POPDC1: variants seen among roughly 807,000 people sequenced by gnomAD.
POPDC1 encodes popeye domain cAMP effector 1.
chr6:105,124,385 CAAAAA>C, the POPDC1 span, among the ~76,000 whole-genome samples: 3 of 81,772 alleles, frequency 3.7e-5, no homozygotes, highest in Non-Finnish European at 5.0e-5. Context: ...CCGTCTCAAA[CAAAAA>C]AAAAAAAAAA....
At chr6:105,130,714 T>C in the POPDC1 span, among the ~76,000 whole-genome samples, 5 of 152,274 alleles carry the variant, frequency 3.3e-5, no homozygotes, top group Admixed American at 6.5e-5. Context: ...TGTTACTGTA[T>C]TGAATATTGA....
chr6:105,106,162 TATC>T, the POPDC1 span, among the ~76,000 whole-genome samples: 3 of 152,204 alleles, frequency 2.0e-5, no homozygotes, highest in Non-Finnish European at 4.4e-5. Context: ...ATATAAACAG[TATC>T]ATACTGAACT....
chr6:105,106,917 T>C, the POPDC1 span, among the ~76,000 whole-genome samples: 1 of 152,190 alleles, frequency 6.6e-6, no homozygotes, highest in Non-Finnish European at 1.5e-5. Flanking sequence ...AAATAGGCTA[T>C]CCATCACCTC....
chr6:105,126,757 C>G, the POPDC1 span, among the ~76,000 whole-genome samples: 35 of 152,196 alleles, frequency 2.3e-4, no homozygotes, highest in Admixed American at 6.5e-5. Context: ...CATGTAATTA[C>G]TTAATGCACC....
the POPDC1 span, among the ~76,000 whole-genome samples, chr6:105,122,530 C>A: frequency 6.6e-6 from 1 of 152,118 alleles, no homozygotes; most frequent in Non-Finnish European, 1.5e-5. Flanking sequence ...CTCTTGGGAA[C>A]CACTTGATTC....
the POPDC1 span, chr6:105,137,142 C>A: frequency 0.054 from 8,229 of 151,748 alleles, 249 homozygotes; most frequent in Middle Eastern, 0.14. Flanking sequence ...TCCCCAAGCC[C>A]GCAGCCGCTT....
the POPDC1 span, chr6:105,125,623 TC>T: frequency 1.3e-6 from 2 of 1,567,206 alleles, no homozygotes; most frequent in South Asian, 2.2e-5. Flanking sequence ...GCAGCAGCAA[TC>T]CCAAAACACT....
At chr6:105,135,896 G>C in the POPDC1 span, among the ~76,000 whole-genome samples, 1 of 152,090 alleles carries the variant, frequency 6.6e-6, no homozygotes, top group African/African-American at 2.4e-5. Flanking sequence ...AAAGAGAAAG[G>C]TTAGACTGCT....
the POPDC1 span, chr6:105,115,865 G>C: frequency 1.2e-6 from 2 of 1,605,352 alleles, no homozygotes; most frequent in Non-Finnish European, 1.7e-6. Context: ...AGAATTATGG[G>C]AGTTGAATCA....
At chr6:105,125,644 G>A in the POPDC1 span, 1 of 1,475,360 alleles carries the variant, frequency 6.8e-7, no homozygotes, top group Non-Finnish European at 9.4e-7. Context: ...TGACTTCTGT[G>A]GTCTAAATAT....
At chr6:105,127,124 C>T in the POPDC1 span, among the ~76,000 whole-genome samples, 1 of 152,322 alleles carries the variant, frequency 6.6e-6, no homozygotes, top group East Asian at 1.9e-4. Flanking sequence ...CAGATCATGA[C>T]AGCTGCTCCA....
the POPDC1 span, chr6:105,125,628 A>AC: frequency 6.5e-7 from 1 of 1,545,156 alleles, no homozygotes; most frequent in South Asian, 1.1e-5. Context: ...AGCAATCCCA[A>AC]AACACTGACT....
the POPDC1 span, chr6:105,116,951 G>A: frequency 7.9e-7 from 1 of 1,264,484 alleles, no homozygotes; most frequent in East Asian, 2.5e-5. Context: ...AACTAGGAAT[G>A]ATTTAGTGGA....
the POPDC1 span, among the ~76,000 whole-genome samples, chr6:105,105,645 A>G: frequency 6.6e-6 from 1 of 152,244 alleles, no homozygotes; most frequent in Non-Finnish European, 1.5e-5. Flanking sequence ...TAGTAAGAAC[A>G]AGAAAAAGAG....
At chr6:105,127,765 C>CTT in the POPDC1 span, among the ~76,000 whole-genome samples, 1 of 145,840 alleles carries the variant, frequency 6.9e-6, no homozygotes, top group African/African-American at 2.5e-5. Flanking sequence ...CTTTTCCTCT[C>CTT]TTTTTTTTTT....
the POPDC1 span, chr6:105,115,609 A>T: frequency 6.7e-7 from 1 of 1,492,246 alleles, no homozygotes; most frequent in Non-Finnish European, 9.0e-7. Context: ...TTATTTTTCT[A>T]ATCAAAGTTG....
At chr6:105,108,761 C>T in the POPDC1 span, among the ~76,000 whole-genome samples, 1 of 152,186 alleles carries the variant, frequency 6.6e-6, no homozygotes, top group Non-Finnish European at 1.5e-5. Context: ...AAGCACTGCC[C>T]ACTACTTGGT....
At chr6:105,113,817 A>T in the POPDC1 span, among the ~76,000 whole-genome samples, 4 of 47,682 alleles carry the variant, frequency 8.4e-5, no homozygotes, top group Admixed American at 3.4e-4. Flanking sequence ...GATGCCTGGC[A>T]TTTTTTTTTT....
At chr6:105,133,738 T>C in the POPDC1 span, 1 of 595,028 alleles carries the variant, frequency 1.7e-6, no homozygotes. Flanking sequence ...AATCCAACTC[T>C]GTCACATATT....
Sources: gnomAD v4.1 joint callset for allele counts (sites outside exome capture counted in the v4.1 genomes callset) on GRCh38, gnomAD v4.1.1 for gene constraint, MANE v1.5 for transcripts, NCBI Gene and HGNC (gene_info 2026-07-23, HGNC 2026-07-21) for gene names.